KIF1C: variants seen among roughly 807,000 people sequenced by gnomAD.
The protein encoded by KIF1C is kinesin family member 1C, also known as kinesin-like protein KIF1C.
A neutral mutation model predicts 126.5 loss-of-function variants in KIF1C; 61 were observed. The ratio of observed to expected loss-of-function variants is 0.48; its 90% CI spans 0.39 to 0.60. KIF1C has a LOEUF of 0.60. KIF1C is among the 20% of genes least tolerant of loss of function. The probability of loss-of-function intolerance (pLI) is 0.00; values close to 1 mark genes in which losing one functional copy is unlikely to be tolerated. For missense variants in KIF1C, 1,315 were observed against 1,489.2 expected, an observed-to-expected ratio of 0.88 and a Z score of 1.93; for synonymous variants, 640 against 580.6, an observed-to-expected ratio of 1.10 and a Z score of -1.47.
chr17:5,014,567 C>T (rs575424283), intron 17 of KIF1C, among the ~76,000 whole-genome samples, 176 bp from the exon 18 acceptor site: 3 of 152,208 alleles, frequency 2.0e-5, no homozygotes, highest in Non-Finnish European at 2.9e-5. Flanking sequence ...CCCAGCATCA[C>T]TTCACTGCCC....
chr17:5,013,946 C>T (rs1185943315), intron 17 of KIF1C, among the ~76,000 whole-genome samples: 4 of 151,968 alleles, frequency 2.6e-5, no homozygotes, highest in Admixed American at 6.5e-5. Flanking sequence ...TTGGTTAGGG[C>T]GAGACAACCT....
Position 5,001,243 on chromosome 17 carries a change from T to C in KIF1C, c.205T>C (p.Ser69Pro). 6.2e-7 allele frequency: 1 copy of C among 1,614,104 alleles called. No individual in the cohort carries two copies. Among genetic ancestry groups the C allele is most frequent in the East Asian group, 2.2e-5 (1 of 44,888 alleles). ...HTSTEDPQFA[S>P]QQQVYRDIGE... The stretch of plus-strand genomic sequence containing the variant: ...CTAGACGGAGGACCCCCAGTTTGCA[T>C]CTCAGCAGCAAGTGTATCGGGACAT... Residue 69 changes from serine to proline, a missense_variant, in exon 5 of 23, where the codon TCT becomes CCT. Physicochemically the swap from Ser to Pro is moderately conservative, Grantham distance 74. This residue lies in a region of KIF1C where 874 missense variants were observed against 1,053.2 expected (regional missense o/e 0.83). Transcript: ENST00000320785.
chr17:5,011,029 C>T (rs779372676), intron 16 of KIF1C, among the ~76,000 whole-genome samples: 1 of 152,114 alleles, frequency 6.6e-6, no homozygotes, highest in African/African-American at 2.4e-5. Flanking sequence ...CAAGAGAGCC[C>T]ATTTCCCCTC....
intron 12 of KIF1C, 25 bp from the exon 13 acceptor site, chr17:5,004,830 C>T (rs1235290833): frequency 1.2e-6 from 2 of 1,613,914 alleles, no homozygotes; most frequent in African/African-American, 2.7e-5. Context: ...CCAGGCCTCA[C>T]CGACCCTGCT....
chr17:5,020,297 T>C lies in KIF1C; in HGVS notation c.1751-195T>C, dbSNP rs1975059596. The stretch of plus-strand genomic sequence containing the variant: ...GGAAGAGGATGCCAAGCTCTTGCAA[T>C]TCCCTTTGGTTGACAAGAATGGGGT... On this transcript the variant is annotated intron_variant, in intron 19 of 22. Transcript: ENST00000320785. The surrounding 1 kb of genome is among the most constrained non-coding windows in gnomAD (Gnocchi z 5.8). 6.6e-6 allele frequency among the ~76,000 whole-genome samples: 1 copy of C among 152,176 alleles called. No homozygotes were observed. Among genetic ancestry groups the C allele is most frequent in the Non-Finnish European group, 1.5e-5 (1 of 68,020 alleles).
At chr17:5,018,395 A>T (rs577255893) in intron 18 of KIF1C, among the ~76,000 whole-genome samples, 1 of 151,954 alleles carries the variant, frequency 6.6e-6, no homozygotes, top group East Asian at 1.9e-4. Flanking sequence ...GGCCAGGCAC[A>T]GTGGCTCATG....
chr17:5,005,568 G>A (rs1974707820), intron 13 of KIF1C, among the ~76,000 whole-genome samples: 4 of 152,086 alleles, frequency 2.6e-5, no homozygotes, highest in African/African-American at 4.8e-5. Context: ...GAGTGTTCTT[G>A]GAAAGAGAAG....
chr17:5,022,852 C>A lies in KIF1C; in HGVS notation c.2628+143C>A. On this transcript the variant is annotated intron_variant, in intron 22 of 22. Coordinates refer to ENST00000320785, the MANE Select transcript of KIF1C (RefSeq NM_006612.6). This position sits in a 1 kb window ranked among gnomAD's most constrained non-coding sequence, Gnocchi z 4.9. ...AGTACGTTTTTTTCAATATTGTTTA[C>A]GAACCACATGCCTCGCTGTCACCAG... 8.3e-7 allele frequency: 1 copy of A among 1,201,262 alleles called. No individual in the cohort carries two copies. The highest frequency in any genetic ancestry group is 1.1e-6 in the Non-Finnish European group (1 of 917,934). The allele number at this position is 1,201,262 out of a possible 1,614,324, so 74.4% of individuals were successfully genotyped here.
rs1431484678 is a variant in KIF1C at position 5,003,702 on chromosome 17, C to T, written c.798+13C>T. The stretch of plus-strand genomic sequence containing the variant: ...CATGCGCCTGAAGGTGAGGGGCCTT[C>T]AGAGGGTGGTTTGTTGTGGGGCAGT... On this transcript the variant is annotated intron_variant, in intron 9 of 22. Transcript: ENST00000320785. The T allele has an allele frequency of 3.2e-5, 51 of 1,611,460 alleles. No individual in the cohort carries two copies. Among genetic ancestry groups the T allele is most frequent in the Non-Finnish European group, 4.2e-5 (49 of 1,178,008 alleles).
At chr17:5,010,115 A>G (rs1974829284) in intron 16 of KIF1C, among the ~76,000 whole-genome samples, 1 of 152,078 alleles carries the variant, frequency 6.6e-6, no homozygotes, top group Non-Finnish European at 1.5e-5. Context: ...TAGTAGAGAC[A>G]GGGTTTCGCC....
chr17:5,004,864 C>T lies in KIF1C; in HGVS notation c.1029C>T (p.Asp343=). ...EETLSTLRYA[D]RTKQIRCNAI... is the part of the protein sequence containing the mutation. ...CTCCTCTGTCACCCAGGTATGCTGA[C>T]CGCACCAAGCAAATCCGCTGCAATG... The change falls in exon 13 of 23, where the codon GAC becomes GAT. Residue 343 remains aspartate, a synonymous_variant. Transcript: ENST00000320785. 1.2e-6 allele frequency: 2 copies of T among 1,614,230 alleles called. No homozygotes were observed. The highest frequency in any genetic ancestry group is 1.7e-6 in the Non-Finnish European group (2 of 1,180,038).
rs534723703 is a variant in KIF1C, at chr17:5,003,589, C to T, written c.721-23C>T. 1.1e-5 allele frequency: 17 copies of T among 1,585,702 alleles called. No homozygotes were observed. The South Asian group carries it at 1.8e-4, about 17-fold the overall frequency. ...CCGTCCCCCACCCGCACCTTATCTC[C>T]TGCCTGTTTCCTCTGACCCCAGGTC... On this transcript the variant is annotated intron_variant, in intron 8 of 22. Transcript: ENST00000320785.
In KIF1C at chr17:5,023,616, G is replaced by C. The variant is rs200925951; in HGVS notation, c.2777G>C (p.Arg926Pro). ...CTGTCAAGCTGGGAGCGGGTGTCACGGCTCATGGAGGAGGACCCTGCCTTC... is the reference window on the plus strand; with the variant it reads ...CTGTCAAGCTGGGAGCGGGTGTCACCGCTCATGGAGGAGGACCCTGCCTTC... Reference protein sequence around the residue: ...PPLSSWERVSRLMEEDPAFRR... With the variant: ...PPLSSWERVSPLMEEDPAFRR... The change falls in exon 23 of 23, where the codon CGG (arginine) becomes CCG (proline). Residue 926 changes from arginine (R) to proline (P), a missense_variant. Physicochemically the swap from Arg to Pro is moderately radical, Grantham distance 103. Around this residue, in one of 2 missense-constraint regions of KIF1C, gnomAD observed 441 missense variants for 436.1 expected, o/e 1.01. Transcript: ENST00000320785. This position sits in a 1 kb window ranked among gnomAD's most constrained non-coding sequence, Gnocchi z 4.2. 1 of 1,613,560 alleles carries C rather than the reference G, an allele frequency of 6.2e-7. No individual in the cohort carries two copies. The highest frequency in any genetic ancestry group is 8.5e-7 in the Non-Finnish European group (1 of 1,179,888).
chr17:5,000,493 C>A (rs1011181949), intron 3 of KIF1C, 141 bp downstream of exon 3: 6 of 690,456 alleles, frequency 8.7e-6, no homozygotes, highest in Non-Finnish European at 1.2e-5. Flanking sequence ...GGGGCTGGGG[C>A]AGGCTGGCCT....
At chr17:4,998,466 C>A (rs1258967086) in intron 1 of KIF1C, among the ~76,000 whole-genome samples, 2 of 152,206 alleles carry the variant, frequency 1.3e-5, no homozygotes, top group Non-Finnish European at 2.9e-5. Context: ...CCAGTATCCT[C>A]CTTGTACCCC....
intron 14 of KIF1C, 75 bp from the exon 15 acceptor site, chr17:5,007,188 C>CTACT: frequency 6.4e-7 from 1 of 1,570,048 alleles, no homozygotes; most frequent in Non-Finnish European, 8.7e-7. Flanking sequence ...GTAGCATGGC[C>CTACT]CCAGGGTAGG....
Position 5,022,467 on chromosome 17 carries a change from T to A in KIF1C, c.2386T>A (p.Trp796Arg). The change falls in exon 22 of 23, where the codon TGG becomes AGG. Residue 796 changes from tryptophan (W) to arginine (R), a missense_variant. Transcript: ENST00000320785. The surrounding 1 kb of genome is among the most constrained non-coding windows in gnomAD (Gnocchi z 4.9). The part of the protein sequence containing the change: ...YGKPDGPGDA[W>R]RAVARDVWDT... Reference sequence around the variant, plus strand: ...CAAGCCAGACGGCCCCGGAGACGCCTGGAGGGCTGTGGCCCGGGATGTCTG... The same window carrying A: ...CAAGCCAGACGGCCCCGGAGACGCCAGGAGGGCTGTGGCCCGGGATGTCTG... The A allele has an allele frequency of 6.3e-7, 1 of 1,585,902 alleles. No individual in the cohort carries two copies. Among genetic ancestry groups the A allele is most frequent in the East Asian group, 2.3e-5 (1 of 43,578 alleles).
In KIF1C at chr17:5,004,032, A is replaced by G. The variant is rs760721111; in HGVS notation, c.899A>G (p.Tyr300Cys). The G allele has an allele frequency of 6.2e-7, 1 of 1,613,938 alleles. No homozygotes were observed. ...SKKRKSDFIP[Y>C]RDSVLTWLLK... is the part of the protein sequence containing the mutation. ...AAGCGAAAGTCGGATTTTATCCCCT[A>G]CAGGGACTCTGTGCTCACCTGGCTG... is the stretch of plus-strand genomic sequence containing the variant. Residue 300 changes from tyrosine to cysteine, a missense_variant, in exon 11 of 23, where the codon TAC (tyrosine) becomes TGC (cysteine). Transcript: ENST00000320785.
chr17:5,012,487 C>T (rs958673247), intron 16 of KIF1C, among the ~76,000 whole-genome samples: 7 of 151,840 alleles, frequency 4.6e-5, no homozygotes, highest in East Asian at 3.9e-4. Context: ...GGGAGAGAGC[C>T]TGGGAGGGGG....
Sources: gnomAD v4.1 joint callset for allele counts (sites outside exome capture counted in the v4.1 genomes callset) on GRCh38, gnomAD v4.1.1 for gene constraint, gnomAD v4.1.1 regional missense constraint, Gnocchi (gnomAD v3.1) non-coding constraint, MANE v1.5 for transcripts, NCBI Gene and HGNC (gene_info 2026-07-23, HGNC 2026-07-21) for gene names.